PTGFRN: variants seen among roughly 807,000 people sequenced by gnomAD.
The protein encoded by PTGFRN is prostaglandin F2 receptor negative regulator.
Under a neutral mutation model 83.2 loss-of-function variants are expected in PTGFRN, and 35 were observed. The observed-to-expected ratio is 0.42, with a 90% CI of 0.32 to 0.56. The LOEUF is 0.56. PTGFRN is among the 20% of genes least tolerant of loss of function. PTGFRN has a pLI of 0.11. For missense variants in PTGFRN, 1,051 were observed against 1,179.5 expected (o/e 0.89, Z 1.60); for synonymous variants, 519 against 498.6 (o/e 1.04, Z -0.55).
At chr1:116,926,006 C>T (rs183216589) in intron 1 of PTGFRN, among the ~76,000 whole-genome samples, 1 of 152,296 alleles carries the variant, frequency 6.6e-6, no homozygotes, top group Admixed American at 6.5e-5. Context: ...CAGGGAAGCT[C>T]GGCATAGACC....
chr1:116,928,932 T>A (rs1046015606), intron 1 of PTGFRN, among the ~76,000 whole-genome samples: 1 of 152,192 alleles, frequency 6.6e-6, no homozygotes, highest in East Asian at 1.9e-4. Context: ...CTGTGTGTGC[T>A]GATGACTCTC....
intron 6 of PTGFRN, among the ~76,000 whole-genome samples, chr1:116,969,058 C>G (rs1016888858): frequency 6.6e-6 from 1 of 150,908 alleles, no homozygotes; most frequent in South Asian, 2.1e-4. Context: ...TTGTCTTTCA[C>G]TTTCTTAATG....
intron 5 of PTGFRN, among the ~76,000 whole-genome samples, chr1:116,964,259 C>T (rs921245075): frequency 2.0e-5 from 3 of 152,128 alleles, no homozygotes; most frequent in Non-Finnish European, 4.4e-5. Context: ...CAGGCTTTCC[C>T]CTCAGCTGCT....
intron 7 of PTGFRN, among the ~76,000 whole-genome samples, chr1:116,981,370 G>A (rs765174105): frequency 2.6e-5 from 4 of 152,172 alleles, no homozygotes; most frequent in Non-Finnish European, 5.9e-5. Context: ...GCAGAAATCT[G>A]CTGCTTGAAA....
chr1:116,987,047 AGT>A lies in PTGFRN; in HGVS notation c.*85_*86del, dbSNP rs1434566106. The stretch of plus-strand genomic sequence containing the variant: ...AGAGGACAGTGATATTTTAAAACAA[AGT>A]GTGTTACACTAAAAACCAGTCCTCT... On this transcript the variant is annotated 3_prime_UTR_variant, in exon 9 of 9. Coordinates refer to ENST00000393203, the MANE Select transcript of PTGFRN (RefSeq NM_020440.4). 5.8e-6 allele frequency: 9 copies of A among 1,539,962 alleles called. No homozygotes were observed. Among genetic ancestry groups the A allele is most frequent in the Non-Finnish European group, 8.0e-6 (9 of 1,128,366 alleles).
At chr1:116,922,851 C>T (rs1020152327) in intron 1 of PTGFRN, among the ~76,000 whole-genome samples, 2 of 152,154 alleles carry the variant, frequency 1.3e-5, no homozygotes, top group African/African-American at 4.8e-5. Context: ...TCCTTAGAAA[C>T]GACTGGAAGA....
chr1:116,975,859 C>T (rs996467280), intron 7 of PTGFRN, among the ~76,000 whole-genome samples: 1 of 152,202 alleles, frequency 6.6e-6, no homozygotes, highest in African/African-American at 2.4e-5. Context: ...AGCAACGGAA[C>T]AAAGCTGGAC....
chr1:116,911,924 G>A (rs1055530377), intron 1 of PTGFRN, among the ~76,000 whole-genome samples: 1 of 152,210 alleles, frequency 6.6e-6, no homozygotes, highest in Non-Finnish European at 1.5e-5. Flanking sequence ...GTCAAGCAGG[G>A]CCATGGCCTA....
chr1:116,939,278 G>T (rs1286733681), intron 1 of PTGFRN, among the ~76,000 whole-genome samples: 1 of 152,216 alleles, frequency 6.6e-6, no homozygotes, highest in Non-Finnish European at 1.5e-5. Context: ...GGTTCTCCAT[G>T]AGAGCCCCAC....
intron 7 of PTGFRN, among the ~76,000 whole-genome samples, chr1:116,974,865 T>C (rs1474845710): frequency 1.8e-4 from 28 of 152,120 alleles, no homozygotes. Flanking sequence ...TGGGGCTTGT[T>C]GGGCAGTGGG....
intron 1 of PTGFRN, among the ~76,000 whole-genome samples, chr1:116,938,371 A>G (rs117202237): frequency 6.6e-6 from 1 of 152,216 alleles, no homozygotes; most frequent in African/African-American, 2.4e-5. Flanking sequence ...ACTGTTCCCC[A>G]TGGCTGAGGA....
chr1:116,986,745 C>G, intron 8 of PTGFRN, 56 bp from the exon 9 acceptor site: 1 of 1,565,672 alleles, frequency 6.4e-7, no homozygotes, highest in Non-Finnish European at 8.7e-7. Flanking sequence ...AGGGTGCCCC[C>G]AAAGCGGCCT....
chr1:116,910,067 C>T lies in PTGFRN; in HGVS notation c.-137C>T, dbSNP rs1273114303. ...ACGCCCCAGCGCTGGGATTTATCGG[C>T]TCGCGAGGAGAGCGGAGCAGGCGCG... On this transcript the variant is annotated 5_prime_UTR_variant, in exon 1 of 9. Transcript: ENST00000393203. The T allele has an allele frequency of 5.2e-6, 5 of 964,002 alleles. No homozygotes were observed. Among genetic ancestry groups the T allele is most frequent in the Non-Finnish European group, 7.9e-6 (5 of 636,158 alleles). The allele number at this position is 964,002 out of a possible 1,614,324, so 59.7% of individuals were successfully genotyped here.
At chr1:116,975,260 A>G (rs1385683024) in intron 7 of PTGFRN, among the ~76,000 whole-genome samples, 1 of 152,238 alleles carries the variant, frequency 6.6e-6, no homozygotes. Flanking sequence ...CTGCAGCTCA[A>G]GGAGGCCTGC....
At chr1:116,976,056 A>G (rs1470726662) in intron 7 of PTGFRN, among the ~76,000 whole-genome samples, 1 of 152,258 alleles carries the variant, frequency 6.6e-6, no homozygotes, top group Non-Finnish European at 1.5e-5. Flanking sequence ...AAACCATGGC[A>G]TGAGAACTAC....
chr1:116,988,286 G>C lies in PTGFRN; in HGVS notation c.*1319G>C, dbSNP rs1364902700. The C allele has an allele frequency of 6.6e-6, 1 of 152,350 alleles. No individual in the cohort carries two copies. Among genetic ancestry groups the C allele is most frequent in the Non-Finnish European group, 1.5e-5 (1 of 68,046 alleles). The allele number at this position is 152,350 out of a possible 1,614,324, so 9.4% of individuals were successfully genotyped here. ...TTATGTGAATGGCCTGTAGAGCAGA[G>C]TCAAGAGCGGTGTGCTTTGCCCGAC... On this transcript the variant is annotated 3_prime_UTR_variant, in exon 9 of 9. Transcript: ENST00000393203.
At chr1:116,949,642 A>T in intron 4 of PTGFRN, 70 bp downstream of exon 4, 4 of 1,533,078 alleles carry the variant, frequency 2.6e-6, no homozygotes, top group Non-Finnish European at 3.5e-6. Context: ...TGAAGGAGTT[A>T]TCTCAGGAGG....
chr1:116,972,012 C>G (rs1431787416), intron 6 of PTGFRN, among the ~76,000 whole-genome samples: 1 of 152,176 alleles, frequency 6.6e-6, no homozygotes, highest in African/African-American at 2.4e-5. Context: ...CCTGCCCGCC[C>G]TTGCTCACCA....
Position 116,910,162 on chromosome 1 carries a change from G to A in PTGFRN, c.-42G>A. The A allele has an allele frequency of 6.6e-7, 1 of 1,517,506 alleles. No homozygotes were observed. Among genetic ancestry groups the A allele is most frequent in the Non-Finnish European group, 8.8e-7 (1 of 1,138,200 alleles). 94.0% of individuals were successfully genotyped at this position (1,517,506 alleles called of 1,614,324 possible). A position where few individuals can be genotyped will look rare whatever the true frequency, so the allele number is the denominator to read the frequency against. On this transcript the variant is annotated 5_prime_UTR_variant, in exon 1 of 9. Transcript: ENST00000393203. ...AAGAGGAGGAGGAGGAGAGGCGGCGGGGAAGGAGGAGGAGGGGGAGAGTCG... is the reference window on the plus strand; with the variant it reads ...AAGAGGAGGAGGAGGAGAGGCGGCGAGGAAGGAGGAGGAGGGGGAGAGTCG...
Sources: gnomAD v4.1 joint callset for allele counts (sites outside exome capture counted in the v4.1 genomes callset) on GRCh38, gnomAD v4.1.1 for gene constraint, MANE v1.5 for transcripts, NCBI Gene and HGNC (gene_info 2026-07-23, HGNC 2026-07-21) for gene names.